GRM7: variants seen among roughly 807,000 people sequenced by gnomAD.
GRM7 encodes the protein glutamate metabotropic receptor 7.
Under a neutral mutation model 84.5 loss-of-function variants are expected in GRM7, and 35 were observed. The observed-to-expected ratio is 0.41, with a 90% CI of 0.32 to 0.55. GRM7 has a LOEUF of 0.55. GRM7 is among the 20% of genes least tolerant of loss of function. GRM7 has a pLI of 0.19. For missense variants in GRM7, 1,003 were observed against 1,194.6 expected, an observed-to-expected ratio of 0.84 and a Z score of 2.36; for synonymous variants, 487 against 455.1, an observed-to-expected ratio of 1.07 and a Z score of -0.89.
At chr3:7,195,590 T>A (rs1446360904) in intron 2 of GRM7, among the ~76,000 whole-genome samples, 1 of 152,132 alleles carries the variant, frequency 6.6e-6, no homozygotes, top group East Asian at 1.9e-4. Context: ...TTCAAAAGTG[T>A]TTTATTTTAG....
chr3:7,722,731 C>T (rs1412035565), intron 9 of GRM7, among the ~76,000 whole-genome samples: 2 of 152,084 alleles, frequency 1.3e-5, no homozygotes, highest in African/African-American at 2.4e-5. Context: ...TGTGAGCCAC[C>T]ACGCCCGGCC....
chr3:7,144,889 C>T (rs775074813), intron 1 of GRM7, among the ~76,000 whole-genome samples: 5 of 152,130 alleles, frequency 3.3e-5, no homozygotes, highest in Non-Finnish European at 7.3e-5. Flanking sequence ...AAGTCAGGGG[C>T]AGAAAGCCTG....
At chr3:7,723,325 C>A (rs537165196) in intron 9 of GRM7, among the ~76,000 whole-genome samples, 1 of 152,274 alleles carries the variant, frequency 6.6e-6, no homozygotes, top group East Asian at 1.9e-4. Flanking sequence ...TCAATCTAGT[C>A]TCTCCAGACT....
chr3:7,140,304 A>T (rs1451232270), intron 1 of GRM7, among the ~76,000 whole-genome samples: 1 of 152,026 alleles, frequency 6.6e-6, no homozygotes, highest in Non-Finnish European at 1.5e-5. Context: ...GAGTATTCCA[A>T]GTAAGGGGAG....
chr3:6,938,837 C>G (rs1207164050), intron 1 of GRM7, among the ~76,000 whole-genome samples: 1 of 152,116 alleles, frequency 6.6e-6, no homozygotes, highest in Non-Finnish European at 1.5e-5. Context: ...TGTGTCTTAT[C>G]AACAAGGGAA....
Position 7,306,640 on chromosome 3 carries a change from G to A in GRM7, c.1021G>A (p.Ala341Thr). 1.9e-6 allele frequency: 3 copies of A among 1,603,436 alleles called. No individual in the cohort carries two copies. The highest frequency in any genetic ancestry group is 2.6e-6 in the Non-Finnish European group (3 of 1,174,558). ...EGAITIQPKRATVEGFDAYFT... is the reference protein window; with the variant it reads ...EGAITIQPKRTTVEGFDAYFT... ...GGCCATCACCATTCAGCCCAAGCGAGCCACGGTGGAAGGTATGGGTTTCAT... is the reference window on the plus strand; with the variant it reads ...GGCCATCACCATTCAGCCCAAGCGAACCACGGTGGAAGGTATGGGTTTCAT... The change falls in exon 4 of 10, where the codon GCC becomes ACC. Residue 341 changes from alanine to threonine, a missense_variant. Transcript: ENST00000357716.
intron 1 of GRM7, among the ~76,000 whole-genome samples, chr3:6,945,809 G>A (rs1234768460): frequency 2.0e-5 from 3 of 152,140 alleles, no homozygotes; most frequent in African/African-American, 7.2e-5. Context: ...TTCTCTGATG[G>A]CCAGTGATGG....
At chr3:7,077,293 G>C (rs1197114837) in intron 1 of GRM7, among the ~76,000 whole-genome samples, 1 of 152,088 alleles carries the variant, frequency 6.6e-6, no homozygotes, top group Non-Finnish European at 1.5e-5. Context: ...TTGCAGCACT[G>C]TTCACAATAG....
intron 2 of GRM7, among the ~76,000 whole-genome samples, chr3:7,163,522 G>A (rs150764622): frequency 6.6e-6 from 1 of 152,322 alleles, no homozygotes; most frequent in African/African-American, 2.4e-5. Context: ...GTAATCAATA[G>A]TGAGTAGTTT....
At chr3:7,377,272 C>G (rs1243669384) in intron 4 of GRM7, among the ~76,000 whole-genome samples, 1 of 152,120 alleles carries the variant, frequency 6.6e-6, no homozygotes, top group African/African-American at 2.4e-5. Context: ...AGTGTGACCA[C>G]AGGGGTGTTG....
chr3:7,300,333 C>T (rs1361977776), intron 3 of GRM7, among the ~76,000 whole-genome samples: 1 of 152,174 alleles, frequency 6.6e-6, no homozygotes, highest in Non-Finnish European at 1.5e-5. Flanking sequence ...CTCCTGAATC[C>T]ATCCATCTCC....
At chr3:7,454,106 T>A (rs1055904624) in intron 6 of GRM7, among the ~76,000 whole-genome samples, 15 of 90,014 alleles carry the variant, frequency 1.7e-4, no homozygotes, top group Admixed American at 5.4e-4. Flanking sequence ...TCTCTCTCTC[T>A]CTCTCTCTCT....
chr3:7,022,367 G>GCACGCACACACA (rs1695810727), intron 1 of GRM7, among the ~76,000 whole-genome samples: 1 of 145,640 alleles, frequency 6.9e-6, no homozygotes, highest in African/African-American at 2.6e-5. Flanking sequence ...ACACACACAT[G>GCACGCACACACA]CACACACACA....
intron 1 of GRM7, among the ~76,000 whole-genome samples, chr3:6,945,219 C>T (rs561486217): frequency 2.0e-5 from 3 of 151,222 alleles, no homozygotes; most frequent in Non-Finnish European, 2.9e-5. Context: ...CGCCTCCCCC[C>T]ACCCCACAAC....
At chr3:7,029,407 A>G (rs2124925001) in intron 1 of GRM7, among the ~76,000 whole-genome samples, 1 of 152,214 alleles carries the variant, frequency 6.6e-6, no homozygotes, top group African/African-American at 2.4e-5. Flanking sequence ...TCAAGCGGGT[A>G]TTTGTACACC....
chr3:7,140,069 A>G (rs1693898238), intron 1 of GRM7, among the ~76,000 whole-genome samples: 1 of 152,110 alleles, frequency 6.6e-6, no homozygotes, highest in African/African-American at 2.4e-5. Context: ...GGTGCACAAC[A>G]GCAAGGAAAT....
chr3:6,925,339 GAATC>G (rs1268104207), intron 1 of GRM7, among the ~76,000 whole-genome samples: 1 of 151,930 alleles, frequency 6.6e-6, no homozygotes. Context: ...ATGAATGAAT[GAATC>G]AATCAATTTA....
At chr3:7,263,767 G>T (rs1480158202) in intron 2 of GRM7, among the ~76,000 whole-genome samples, 1 of 152,110 alleles carries the variant, frequency 6.6e-6, no homozygotes, top group Non-Finnish European at 1.5e-5. Flanking sequence ...CAGGGCTGGT[G>T]CTCTCTATGC....
chr3:7,395,258 A>G (rs1371138003), intron 4 of GRM7, among the ~76,000 whole-genome samples: 2 of 152,178 alleles, frequency 1.3e-5, no homozygotes, highest in Non-Finnish European at 2.9e-5. Context: ...ATGTATTCAC[A>G]TGTATCTATG....
Sources: gnomAD v4.1 joint callset for allele counts (sites outside exome capture counted in the v4.1 genomes callset) on GRCh38, gnomAD v4.1.1 for gene constraint, MANE v1.5 for transcripts, NCBI Gene and HGNC (gene_info 2026-07-23, HGNC 2026-07-21) for gene names.